Variants in PAX2 observed in about 807,000 individuals in gnomAD.
PAX2 encodes paired box protein Pax-2.
In PAX2, 9 loss-of-function variants were observed where a neutral mutation model predicts 41.7. That is an observed-to-expected ratio of 0.22 (90% CI 0.13 to 0.38). The LOEUF is 0.38. Ranked by LOEUF, PAX2 falls within the 10% of genes least tolerant of loss-of-function variation. The pLI is 1.00. For missense variants in PAX2, 418 were observed against 531.6 expected (o/e 0.79, Z 2.10); for synonymous variants, 221 against 212.7 (o/e 1.04, Z -0.34).
intron 7 of PAX2, among the ~76,000 whole-genome samples, chr10:100,820,147 G>A (rs933184249): frequency 1.3e-5 from 2 of 152,180 alleles, no homozygotes; most frequent in East Asian, 1.9e-4. Flanking sequence ...TTTTGGCATC[G>A]GGATTTTATT....
At position 100,809,192 on chromosome 10, in the gene PAX2, T is replaced by C; in HGVS notation, c.875T>C (p.Leu292Pro). 6.2e-7 allele frequency: 1 copy of C among 1,613,974 alleles called. No homozygotes were observed. The highest frequency in any genetic ancestry group is 8.5e-7 in the Non-Finnish European group (1 of 1,179,900). The part of the protein sequence containing the change: ...SSLSASTNPE[L>P]GSNVSGTQTY... ...CTATCTGCATCCACCAACCCTGAGC[T>C]GGGCAGCAACGTGTCAGGCACACAG... Residue 292 changes from leucine to proline, a missense_variant, in exon 7 of 10, where the codon CTG becomes CCG. By Grantham distance (98) the Leu-to-Pro change is moderately conservative. Transcript: ENST00000355243.
At position 100,828,096 on chromosome 10, in the gene PAX2, G is replaced by A. The variant is rs546529258; in HGVS notation, c.*477G>A. The stretch of plus-strand genomic sequence containing the variant: ...GGGCGCCAGGAGGCTTCGCTGGAGG[G>A]GCTGGGCCAAGGAGATTAAGAAGAA... On this transcript the variant is annotated 3_prime_UTR_variant, in exon 10 of 10. Transcript: ENST00000355243. This position sits in a 1 kb window ranked among gnomAD's most constrained non-coding sequence, Gnocchi z 6.5. 8.4e-6 allele frequency: 2 copies of A among 236,734 alleles called. No homozygotes were observed. The highest frequency in any genetic ancestry group is 4.4e-5 in the African/African-American group (2 of 45,118). 14.7% of individuals were successfully genotyped at this position (236,734 alleles called of 1,614,324 possible). A position where few individuals can be genotyped will look rare whatever the true frequency, so the allele number is the denominator to read the frequency against.
chr10:100,747,911 G>A (rs1845261102), intron 1 of PAX2: 1 of 984,030 alleles, frequency 1.0e-6, no homozygotes, highest in Non-Finnish European at 1.2e-6. Context: ...GGGGTCCGCC[G>A]AGTCCTGGCT....
At chr10:100,744,121 G>C (rs1845059203), upstream of PAX2, among the ~76,000 whole-genome samples, 1 of 152,220 alleles carries the variant, frequency 6.6e-6, no homozygotes, top group African/African-American at 2.4e-5. Context: ...TAGTTAGGCT[G>C]AGTCAGGCAG....
intron 5 of PAX2, among the ~76,000 whole-genome samples, chr10:100,797,990 A>G (rs540670754): frequency 7.9e-5 from 12 of 151,798 alleles, no homozygotes; most frequent in Non-Finnish European, 1.5e-4. Flanking sequence ...TTTAGAAGCT[A>G]GGCTTGGTCA....
At chr10:100,776,842 G>A (rs1307093971) in intron 3 of PAX2, among the ~76,000 whole-genome samples, 2 of 152,188 alleles carry the variant, frequency 1.3e-5, no homozygotes, top group Non-Finnish European at 2.9e-5. Flanking sequence ...GCCAAACTCT[G>A]ACCATTCTGC....
chr10:100,785,836 G>A (rs1589853799), intron 5 of PAX2, among the ~76,000 whole-genome samples: 1 of 152,324 alleles, frequency 6.6e-6, no homozygotes, highest in East Asian at 1.9e-4. Flanking sequence ...GGGAATGAAT[G>A]TGGCCTCTGG....
chr10:100,773,373 A>G lies in PAX2; in HGVS notation c.411-6125A>G, dbSNP rs867175729. 2.6e-5 allele frequency among the ~76,000 whole-genome samples: 4 copies of G among 152,130 alleles called. 1 individual carries two copies. The highest frequency in any genetic ancestry group is 2.1e-4 in the South Asian group (1 of 4,832). Reference sequence around the variant, plus strand: ...TAAATGCTGCCACCTCACTCCTCCCAAGGTGAGCTGTCTGAGGTCACCTCA... The same window carrying G: ...TAAATGCTGCCACCTCACTCCTCCCGAGGTGAGCTGTCTGAGGTCACCTCA... On this transcript the variant is annotated intron_variant, in intron 3 of 9. Transcript: ENST00000355243.
At chr10:100,809,768 C>T (rs1847929399) in intron 7 of PAX2, among the ~76,000 whole-genome samples, 1 of 152,214 alleles carries the variant, frequency 6.6e-6, no homozygotes, top group South Asian at 2.1e-4. Flanking sequence ...AGCCTTCCTC[C>T]TGCTTCCCAG....
intron 1 of PAX2, chr10:100,735,875 G>T: frequency 2.1e-6 from 1 of 482,114 alleles, no homozygotes; most frequent in East Asian, 8.0e-5. Flanking sequence ...GGGGACTGAG[G>T]CTCTGCGGAC....
chr10:100,784,819 A>C (rs1846783571), intron 5 of PAX2, among the ~76,000 whole-genome samples: 1 of 152,200 alleles, frequency 6.6e-6, no homozygotes. Flanking sequence ...ACTGGCAGTG[A>C]CTGTGAGCCT....
chr10:100,778,740 A>T (rs1475146985), intron 3 of PAX2, among the ~76,000 whole-genome samples: 1 of 152,118 alleles, frequency 6.6e-6, no homozygotes, highest in African/African-American at 2.4e-5. Context: ...TCTCCCCAGG[A>T]TGTACAGGGA....
At chr10:100,770,219 G>A (rs936928361) in intron 3 of PAX2, among the ~76,000 whole-genome samples, 2 of 152,190 alleles carry the variant, frequency 1.3e-5, no homozygotes, top group African/African-American at 2.4e-5. Context: ...GGTGGGACAG[G>A]GTTGGGGGAT....
In PAX2 at chr10:100,828,801, T is replaced by C; in HGVS notation, c.*1182T>C. On this transcript the variant is annotated 3_prime_UTR_variant, in exon 10 of 10. Coordinates refer to ENST00000355243, the MANE Select transcript of PAX2 (RefSeq NM_000278.5). The surrounding 1 kb of genome is among the most constrained non-coding windows in gnomAD (Gnocchi z 6.5). ...CCACAAAAAGTCTACATTTATTTAATATGATGGTCTTTGCAAAAAGGAACA... is the reference window on the plus strand; with the variant it reads ...CCACAAAAAGTCTACATTTATTTAACATGATGGTCTTTGCAAAAAGGAACA... The C allele has an allele frequency of 4.3e-6, 1 of 232,630 alleles. No individual in the cohort carries two copies. The allele number at this position is 232,630 out of a possible 1,614,324, so 14.4% of individuals were successfully genotyped here. A position where few individuals can be genotyped will look rare whatever the true frequency, so the allele number is the denominator to read the frequency against.
intron 5 of PAX2, among the ~76,000 whole-genome samples, chr10:100,802,663 C>G (rs1331593340): frequency 6.6e-6 from 1 of 152,154 alleles, no homozygotes; most frequent in Non-Finnish European, 1.5e-5. Flanking sequence ...TACTCGGGGC[C>G]ATTCCTGATG....
At chr10:100,747,695 A>T (rs1845246927) in intron 1 of PAX2, 1 of 984,628 alleles carries the variant, frequency 1.0e-6, no homozygotes, top group African/African-American at 1.8e-5. Flanking sequence ...TACTTCTGGG[A>T]TAAAATATAT....
In PAX2 at chr10:100,746,312, C is replaced by G. The variant is rs747364450; in HGVS notation, c.43+9C>G. Reference sequence around the variant, plus strand: ...CTTCTCCGCGATGCACCGTGAGTACCGGCGCCCGGCTCCTGTCCCGGCTCG... The same window carrying G: ...CTTCTCCGCGATGCACCGTGAGTACGGGCGCCCGGCTCCTGTCCCGGCTCG... On this transcript the variant is annotated intron_variant, in intron 1 of 9. Transcript: ENST00000355243. 6.4e-7 allele frequency: 1 copy of G among 1,568,850 alleles called. No individual in the cohort carries two copies. The highest frequency in any genetic ancestry group is 1.7e-5 in the Admixed American group (1 of 59,932).
rs374525376 is a variant in PAX2, at chr10:100,816,161, G to A, written c.919+6925G>A. 1.1e-3 allele frequency among the ~76,000 whole-genome samples: 163 copies of A among 152,248 alleles called. 5 individuals carry two copies. In the South Asian group the frequency reaches 0.033, roughly 30 times the overall value. On this transcript the variant is annotated intron_variant, in intron 7 of 9. Transcript: ENST00000355243. ...CAGAGATCAGAGAGAGAGAGAAAGG[G>A]GCCAGTCTGAATTTGAATCAAAATA...
At chr10:100,801,365 C>T (rs1049743063) in intron 5 of PAX2, among the ~76,000 whole-genome samples, 10 of 152,228 alleles carry the variant, frequency 6.6e-5, no homozygotes, top group African/African-American at 2.4e-4. Context: ...GATAAGAAGA[C>T]AATATGAGCT....
Sources: gnomAD v4.1 joint callset for allele counts (sites outside exome capture counted in the v4.1 genomes callset) on GRCh38, gnomAD v4.1.1 for gene constraint, Gnocchi (gnomAD v3.1) non-coding constraint, MANE v1.5 for transcripts, NCBI Gene and HGNC (gene_info 2026-07-23, HGNC 2026-07-21) for gene names.